CHD2: variants seen among roughly 807,000 people sequenced by gnomAD.
CHD2 encodes the protein ATP-dependent chromatin remodeler CHD2.
CHD2 carries 28 observed loss-of-function variants against 243.9 expected under a neutral mutation model. The ratio of observed to expected loss-of-function variants is 0.11; its 90% CI spans 0.09 to 0.16. The LOEUF (loss-of-function observed/expected upper bound fraction) is 0.16, where lower values mean the gene tolerates loss of function less well. Among genes scored for constraint, CHD2 ranks in the 10% least tolerant of loss-of-function variants. The pLI is 1.00. For missense variants in CHD2, 1,386 were observed against 2,209.8 expected (o/e 0.63, Z 7.47); for synonymous variants, 775 against 779.0 (o/e 0.99, Z 0.09).
intron 2 of CHD2, among the ~76,000 whole-genome samples, chr15:92,923,034 G>A (rs559367588): frequency 6.6e-6 from 1 of 152,288 alleles, no homozygotes; most frequent in South Asian, 2.1e-4. Context: ...TGGGTTGGGT[G>A]TTCTCATTAG....
At chr15:92,901,368 T>G in intron 2 of CHD2, 69 bp downstream of exon 2, 3 of 890,132 alleles carry the variant, frequency 3.4e-6, no homozygotes, top group Non-Finnish European at 5.5e-6. Flanking sequence ...TACAATTGTT[T>G]ACCTTGACAG....
chr15:92,952,243 A>G (rs781532563), intron 13 of CHD2, among the ~76,000 whole-genome samples: 10 of 152,154 alleles, frequency 6.6e-5, no homozygotes, highest in Non-Finnish European at 1.5e-4. Context: ...GTGTTTCTCA[A>G]ACTGTGGTTT....
intron 26 of CHD2, 36 bp from the exon 27 acceptor site, chr15:92,991,440 T>C (rs780365769): frequency 6.7e-7 from 1 of 1,497,938 alleles, no homozygotes; most frequent in Admixed American, 1.8e-5. Flanking sequence ...AGTAAGTCTC[T>C]GTTTTTTTAA....
rs1376848915 is a variant in CHD2, at chr15:92,997,213, C to T, written c.3735-40C>T. On this transcript the variant is annotated intron_variant, in intron 29 of 38. Coordinates refer to ENST00000394196, the MANE Select transcript of CHD2 (RefSeq NM_001271.4). The surrounding 1 kb of genome is among the most constrained non-coding windows in gnomAD (Gnocchi z 4.1). ...TCTCTTCTTTAACATACCAAAAAGGCCCCTCTTCTAATGTCTTCCTGTTTT... is the reference window on the plus strand; with the variant it reads ...TCTCTTCTTTAACATACCAAAAAGGTCCCTCTTCTAATGTCTTCCTGTTTT... 1 of 1,611,106 alleles carries T rather than the reference C, an allele frequency of 6.2e-7. No individual in the cohort carries two copies. The highest frequency in any genetic ancestry group is 8.5e-7 in the Non-Finnish European group (1 of 1,179,048).
Position 92,953,523 on chromosome 15 carries a change from C to A in CHD2, c.1669C>A (p.Pro557Thr). The change falls in exon 14 of 39, where the codon CCA (proline) becomes ACA (threonine). Residue 557 changes from proline (P) to threonine (T), a missense_variant. By Grantham distance (38) the Pro-to-Thr change is conservative. Around this residue, in one of 19 missense-constraint regions of CHD2, gnomAD observed 63 missense variants for 108.8 expected, o/e 0.58. Transcript: ENST00000394196. ...GCAGAGAGAGTTTGAAATCTGGGCA[C>A]CAGAGATTAACGTAGTGGTTTACAT... Reference protein sequence around the residue: ...SWQREFEIWAPEINVVVYIGD... With the variant: ...SWQREFEIWATEINVVVYIGD... 1 of 1,614,008 alleles carries A rather than the reference C, an allele frequency of 6.2e-7. No homozygotes were observed. The highest frequency in any genetic ancestry group is 8.5e-7 in the Non-Finnish European group (1 of 1,180,004).
In CHD2 at chr15:92,992,721, C is replaced by T. The variant is rs2054136490; in HGVS notation, c.3456-138C>T. The T allele has an allele frequency of 1.0e-5, 10 of 984,510 alleles. No homozygotes were observed. The Admixed American group carries it at 2.3e-4, about 22-fold the overall frequency. The allele number at this position is 984,510 out of a possible 1,614,324, so 61.0% of individuals were successfully genotyped here. On this transcript the variant is annotated intron_variant, in intron 27 of 38. Coordinates refer to ENST00000394196, the MANE Select transcript of CHD2 (RefSeq NM_001271.4). Reference sequence around the variant, plus strand: ...CAATGTCCAGGGGTTCTTGTTGGAGCCTTAGAATGACCACTAAAGGAACGC... The same window carrying T: ...CAATGTCCAGGGGTTCTTGTTGGAGTCTTAGAATGACCACTAAAGGAACGC...
Position 92,924,334 on chromosome 15 carries a change from G to A in CHD2, c.76G>A (p.Glu26Lys). ...TCTCAAAATAAGTCACTCAGCCTCT[G>A]AAGAAGCTTCGGGTTCAGACTCAGG... ...HSNASSHSASEEASGSDSGSQ... is the reference protein window; with the variant it reads ...HSNASSHSASKEASGSDSGSQ... Residue 26 changes from glutamate (E) to lysine (K), a missense_variant, in exon 3 of 39, where the codon GAA becomes AAA. Transcript: ENST00000394196. 1 of 1,613,736 alleles carries A rather than the reference G, an allele frequency of 6.2e-7. No individual in the cohort carries two copies. Among genetic ancestry groups the A allele is most frequent in the Non-Finnish European group, 8.5e-7 (1 of 1,179,906 alleles).
intron 9 of CHD2, chr15:92,944,001 G>A (rs560307505): frequency 6.6e-6 from 1 of 152,364 alleles, no homozygotes; most frequent in East Asian, 1.9e-4. Flanking sequence ...AAAGGTTTTG[G>A]TAATAAGAAT....
intron 2 of CHD2, among the ~76,000 whole-genome samples, chr15:92,911,137 T>C (rs2052726607): frequency 6.6e-6 from 1 of 152,204 alleles, no homozygotes; most frequent in Admixed American, 6.5e-5. Flanking sequence ...TTTAATTAAA[T>C]AGCAAGTCAG....
intron 5 of CHD2, among the ~76,000 whole-genome samples, chr15:92,932,931 T>TG (rs1471449927): frequency 8.5e-5 from 13 of 152,180 alleles, no homozygotes; most frequent in African/African-American, 3.1e-4. Flanking sequence ...TTAATAGACA[T>TG]GGGGTTTCAC....
In CHD2 at chr15:92,945,812, T is replaced by C; in HGVS notation, c.1154-9T>C. 6.5e-7 allele frequency: 1 copy of C among 1,540,808 alleles called. No homozygotes were observed. The highest frequency in any genetic ancestry group is 2.3e-5 in the East Asian group (1 of 44,090). ...TATAACTTTTCTGTCTTATTTTTTA[T>C]TTGTTTAGCTGTGAAGACAAGTAAA... On this transcript the variant is annotated splice_polypyrimidine_tract_variant and intron_variant, in intron 10 of 38. Transcript: ENST00000394196.
chr15:92,935,237 C>T (rs1384191055), intron 5 of CHD2, among the ~76,000 whole-genome samples: 1 of 152,112 alleles, frequency 6.6e-6, no homozygotes, highest in East Asian at 1.9e-4. Flanking sequence ...GGGGTTTCAC[C>T]ACGTTAGCCA....
At position 92,926,859 on chromosome 15, in the gene CHD2, A is replaced by G. The variant is rs184504309; in HGVS notation, c.295-385A>G. Among the ~76,000 whole-genome samples the G allele has an allele frequency of 1.2e-3, 188 of 152,310 alleles. 1 individual carries two copies. The highest frequency in any genetic ancestry group is 2.0e-3 in the Non-Finnish European group (134 of 68,018). On this transcript the variant is annotated intron_variant, in intron 3 of 38. Coordinates refer to ENST00000394196, the MANE Select transcript of CHD2 (RefSeq NM_001271.4). ...TGGGGGCTTTGCCGCTTGTATTTTC[A>G]GTTTCACAGGTGTGGGTTAGTGCAG...
chr15:92,996,948 A>G lies in CHD2; in HGVS notation c.3596-9A>G. The G allele has an allele frequency of 6.3e-7, 1 of 1,594,310 alleles. No homozygotes were observed. Among genetic ancestry groups the G allele is most frequent in the Non-Finnish European group, 8.5e-7 (1 of 1,174,668 alleles). ...TTCATTTAACTAATGTGAAACTGGT[A>G]TTTTTCAGGAAAAGGACCAGGGAAA... On this transcript the variant is annotated splice_polypyrimidine_tract_variant and intron_variant, in intron 28 of 38. Transcript: ENST00000394196.
chr15:92,904,205 TC>T (rs1245912420), intron 2 of CHD2, among the ~76,000 whole-genome samples: 2 of 152,230 alleles, frequency 1.3e-5, no homozygotes, highest in Non-Finnish European at 2.9e-5. Flanking sequence ...AAATGGCTGT[TC>T]CTTTGTGCCG....
intron 5 of CHD2, among the ~76,000 whole-genome samples, chr15:92,930,993 C>T (rs2141759030): frequency 6.6e-6 from 1 of 152,254 alleles, no homozygotes; most frequent in Middle Eastern, 3.4e-3. Context: ...AGCTCTTCTC[C>T]TGAGTCACCA....
At chr15:92,946,468 G>GCCAATCTA in intron 12 of CHD2, 1 of 304,010 alleles carries the variant, frequency 3.3e-6, no homozygotes. Context: ...AAAGGATTTA[G>GCCAATCTA]GCACTTTTAT....
At chr15:93,003,286 CAA>C (rs397853913) in intron 33 of CHD2, among the ~76,000 whole-genome samples, 51,106 of 130,822 alleles carry the variant, frequency 0.39, 9,971 homozygotes, top group East Asian at 0.77. Flanking sequence ...GACCTTGTCT[CAA>C]AAAAAAAAAA....
At chr15:92,993,441 G>A (rs2054146873) in intron 28 of CHD2, among the ~76,000 whole-genome samples, 1 of 152,172 alleles carries the variant, frequency 6.6e-6, no homozygotes, top group African/African-American at 2.4e-5. Context: ...GATGAGTATC[G>A]TAAACATTTT....
Sources: gnomAD v4.1 joint callset for allele counts (sites outside exome capture counted in the v4.1 genomes callset) on GRCh38, gnomAD v4.1.1 for gene constraint, gnomAD v4.1.1 regional missense constraint, Gnocchi (gnomAD v3.1) non-coding constraint, MANE v1.5 for transcripts, NCBI Gene and HGNC (gene_info 2026-07-23, HGNC 2026-07-21) for gene names.